Variants in B4GALT7 observed in about 807,000 individuals in gnomAD.
B4GALT7 encodes beta-1,4-galactosyltransferase 7, also known as UDP-Gal:beta-GlcNAc beta-1,4-galactosyltransferase 7.
A neutral mutation model predicts 33.0 loss-of-function variants in B4GALT7; 30 were observed. The observed-to-expected ratio is 0.91, with a 90% CI of 0.68 to 1.23. The LOEUF (loss-of-function observed/expected upper bound fraction) is 1.23. Among genes scored for constraint, B4GALT7 ranks in the 50% most tolerant of loss-of-function variants. B4GALT7 has a pLI of 0.00. For missense variants in B4GALT7, 507 were observed against 450.8 expected, an observed-to-expected ratio of 1.12 and a Z score of -1.13; for synonymous variants, 213 against 187.2, an observed-to-expected ratio of 1.14 and a Z score of -1.13.
chr5:177,603,488 T>A (rs1767895095), intron 1 of B4GALT7: 1 of 484,748 alleles, frequency 2.1e-6, no homozygotes, highest in Non-Finnish European at 2.7e-6. Context: ...CCAGCCCTCA[T>A]CTTTCTTTCC....
At chr5:177,604,639 G>A in intron 2 of B4GALT7, 98 bp downstream of exon 2, 1 of 1,511,838 alleles carries the variant, frequency 6.6e-7, no homozygotes, top group Non-Finnish European at 9.1e-7. Context: ...CAGGAGGGCG[G>A]GAGGTGGCAG....
At chr5:177,607,677 A>G in intron 3 of B4GALT7, 150 bp downstream of exon 3, 2 of 752,152 alleles carry the variant, frequency 2.7e-6, no homozygotes, top group South Asian at 3.6e-5. Context: ...GAGTGCGAAG[A>G]GCAGGCGAGC....
Position 177,600,325 on chromosome 5 carries a change from G to T in B4GALT7, c.50+65G>T. The T allele has an allele frequency of 8.2e-7, 1 of 1,223,354 alleles. No homozygotes were observed. The highest frequency in any genetic ancestry group is 1.0e-6 in the Non-Finnish European group (1 of 966,382). The allele number at this position is 1,223,354 out of a possible 1,614,324, so 75.8% of individuals were successfully genotyped here. The stretch of plus-strand genomic sequence containing the variant: ...CGCCGCTCCCTTCTCGGCCGCCGGC[G>T]GAATCTGGGAACCCGAGGCCATCAC... On this transcript the variant is annotated intron_variant, in intron 1 of 5. Transcript: ENST00000029410. The surrounding 1 kb of genome is among the most constrained non-coding windows in gnomAD (Gnocchi z 4.4).
rs1050522446 is a variant in B4GALT7 at position 177,606,145 on chromosome 5, G to C, written c.414-1157G>C. ...CTTTTTTAACTCCAGGTGTTCCTTG[G>C]GGCATCTCATGTCATCTCCAGCATT... On this transcript the variant is annotated intron_variant, in intron 2 of 5. Transcript: ENST00000029410. The surrounding 1 kb of genome is among the most constrained non-coding windows in gnomAD (Gnocchi z 4.2). 3 of 152,092 alleles carry C rather than the reference G, an allele frequency of 2.0e-5. No individual in the cohort carries two copies. Among genetic ancestry groups the C allele is most frequent in the African/African-American group, 7.2e-5 (3 of 41,388 alleles). 9.4% of individuals were successfully genotyped at this position (152,092 alleles called of 1,614,324 possible). A position where few individuals can be genotyped will look rare whatever the true frequency, so the allele number is the denominator to read the frequency against.
rs1554126907 is a variant in B4GALT7 at position 177,608,496 on chromosome 5, C to CCA, written c.640-42_640-41insAC. The CCA allele has an allele frequency of 1.6e-4, 256 of 1,562,678 alleles. No individual in the cohort carries two copies. The African/African-American group carries it at 3.1e-3, about 19-fold the overall frequency. On this transcript the variant is annotated intron_variant, in intron 3 of 5. Transcript: ENST00000029410. The surrounding 1 kb of genome is among the most constrained non-coding windows in gnomAD (Gnocchi z 4.1). ...CGGTAGGAGACCAAAGGCCCCCCCC[C>CCA]CCGGGAAGATGGGCCGAGTGACGCT... is the stretch of plus-strand genomic sequence containing the variant.
Position 177,600,401 on chromosome 5 carries a change from C to T in B4GALT7, c.50+141C>T, listed in dbSNP as rs781309356. The T allele has an allele frequency of 1.9e-5, 12 of 624,822 alleles. No homozygotes were observed. The highest frequency in any genetic ancestry group is 2.8e-5 in the Non-Finnish European group (12 of 435,854). The allele number at this position is 624,822 out of a possible 1,614,324, so 38.7% of individuals were successfully genotyped here. A position where few individuals can be genotyped will look rare whatever the true frequency, so the allele number is the denominator to read the frequency against. On this transcript the variant is annotated intron_variant, in intron 1 of 5. Coordinates refer to ENST00000029410, the MANE Select transcript of B4GALT7 (RefSeq NM_007255.3). This position sits in a 1 kb window ranked among gnomAD's most constrained non-coding sequence, Gnocchi z 4.4. ...AGGGCGTGTGGTTCTCCCTGTGGGT[C>T]CCTGGCGCTCTGTTCCGGTTTCTGT...
intron 2 of B4GALT7, chr5:177,604,924 G>A (rs1034496741): frequency 2.2e-6 from 1 of 463,474 alleles, no homozygotes; most frequent in South Asian, 1.6e-5. Context: ...TCAAGGCCAC[G>A]GCTTTAAAGT....
chr5:177,609,650 G>A lies in B4GALT7; in HGVS notation c.939G>A (p.Met313Ile), dbSNP rs778439107. The change falls in exon 6 of 6, where the codon ATG becomes ATA. Residue 313 changes from methionine to isoleucine, a missense_variant. Met to Ile is a conservative substitution (Grantham distance 10). Transcript: ENST00000029410. ...CCCCCTGCACTGTCCTCAACATCAT[G>A]TTGGACTGTGACAAGACCGCCACAC... ...GGAPCTVLNI[M>I]LDCDKTATPW... The A allele has an allele frequency of 4.3e-6, 7 of 1,613,698 alleles. No homozygotes were observed. Among genetic ancestry groups the A allele is most frequent in the Non-Finnish European group, 5.9e-6 (7 of 1,179,910 alleles).
Position 177,610,269 on chromosome 5 carries a change from T to C in B4GALT7, c.*574T>C, listed in dbSNP as rs2127515040. ...TTTCGAAAGAAACTAGAATGCTGGA[T>C]TCTTAAGTGATATCTTCTGATTTTT... On this transcript the variant is annotated 3_prime_UTR_variant, in exon 6 of 6. Coordinates refer to ENST00000029410, the MANE Select transcript of B4GALT7 (RefSeq NM_007255.3). The C allele has an allele frequency of 6.3e-6, 1 of 157,530 alleles. No individual in the cohort carries two copies. Among genetic ancestry groups the C allele is most frequent in the Admixed American group, 6.1e-5 (1 of 16,522 alleles). 9.8% of individuals were successfully genotyped at this position (157,530 alleles called of 1,614,324 possible).
intron 3 of B4GALT7, chr5:177,607,931 G>T: frequency 3.3e-6 from 1 of 301,574 alleles, no homozygotes; most frequent in Non-Finnish European, 6.4e-6. Flanking sequence ...GTGGGAGATG[G>T]GGCCCTTCCC....
chr5:177,601,263 G>A (rs906398539), intron 1 of B4GALT7, among the ~76,000 whole-genome samples: 1 of 152,190 alleles, frequency 6.6e-6, no homozygotes, highest in Non-Finnish European at 1.5e-5. Context: ...TGTGAGCAGA[G>A]ACCCCTGCAT....
chr5:177,609,446 C>G, intron 5 of B4GALT7, 94 bp from the exon 6 acceptor site: 1 of 1,498,364 alleles, frequency 6.7e-7, no homozygotes, highest in East Asian at 2.3e-5. Context: ...CAGTGGGGAC[C>G]ACAGGACCTC....
At position 177,606,870 on chromosome 5, in the gene B4GALT7, T is replaced by A; in HGVS notation, c.414-432T>A. ...CCCTAGGCACCCACTGCCCTGTGGG[T>A]CATCTCTTCAGGCCTTCAGGTTTCT... On this transcript the variant is annotated intron_variant, in intron 2 of 5. Coordinates refer to ENST00000029410, the MANE Select transcript of B4GALT7 (RefSeq NM_007255.3). This position sits in a 1 kb window ranked among gnomAD's most constrained non-coding sequence, Gnocchi z 4.2. 3.0e-6 allele frequency: 1 copy of A among 334,268 alleles called. No individual in the cohort carries two copies. Among genetic ancestry groups the A allele is most frequent in the Non-Finnish European group, 5.9e-6 (1 of 169,130 alleles). The allele number at this position is 334,268 out of a possible 1,614,324, so 20.7% of individuals were successfully genotyped here.
At position 177,609,821 on chromosome 5, in the gene B4GALT7, C is replaced by G. The variant is rs1768127394; in HGVS notation, c.*126C>G. On this transcript the variant is annotated 3_prime_UTR_variant, in exon 6 of 6. Coordinates refer to ENST00000029410, the MANE Select transcript of B4GALT7 (RefSeq NM_007255.3). ...GCCAGGACCAAGACAGCAAGCTACG[C>G]AATTGCAGCCACCCGGCCGCCAAGG... is the stretch of plus-strand genomic sequence containing the variant. 7.6e-7 allele frequency: 1 copy of G among 1,313,248 alleles called. No homozygotes were observed. The allele number at this position is 1,313,248 out of a possible 1,614,324, so 81.3% of individuals were successfully genotyped here.
rs1000585421 is a variant in B4GALT7 at position 177,606,260 on chromosome 5, C to T, written c.414-1042C>T. On this transcript the variant is annotated intron_variant, in intron 2 of 5. Transcript: ENST00000029410. This position sits in a 1 kb window ranked among gnomAD's most constrained non-coding sequence, Gnocchi z 4.2. Reference sequence around the variant, plus strand: ...CAGCCCAGCCATCTACACAGTCCCTCCACGTGGTGGCCTCAGAGCTACTGC... The same window carrying T: ...CAGCCCAGCCATCTACACAGTCCCTTCACGTGGTGGCCTCAGAGCTACTGC... 8.5e-5 allele frequency: 13 copies of T among 152,442 alleles called. No individual in the cohort carries two copies. The highest frequency in any genetic ancestry group is 2.9e-4 in the African/African-American group (12 of 41,448). 9.4% of individuals were successfully genotyped at this position (152,442 alleles called of 1,614,324 possible).
Position 177,608,497 on chromosome 5 carries a change from C to G in B4GALT7, c.640-42C>G, listed in dbSNP as rs372307412. ...GGTAGGAGACCAAAGGCCCCCCCCC[C>G]CGGGAAGATGGGCCGAGTGACGCTG... is the stretch of plus-strand genomic sequence containing the variant. On this transcript the variant is annotated intron_variant, in intron 3 of 5. Transcript: ENST00000029410. The surrounding 1 kb of genome is among the most constrained non-coding windows in gnomAD (Gnocchi z 4.1). 12 of 1,567,512 alleles carry G rather than the reference C, an allele frequency of 7.7e-6. No homozygotes were observed. The highest frequency in any genetic ancestry group is 8.8e-6 in the Non-Finnish European group (10 of 1,141,304).
At position 177,609,668 on chromosome 5, in the gene B4GALT7, C is replaced by G. The variant is rs138973879; in HGVS notation, c.957C>G (p.Thr319=). 23 of 1,613,044 alleles carry G rather than the reference C, an allele frequency of 1.4e-5. No homozygotes were observed. The highest frequency in any genetic ancestry group is 1.3e-4 in the African/African-American group (10 of 74,884). Residue 319 remains threonine, a synonymous_variant, in exon 6 of 6, where the codon ACC becomes ACG. Transcript: ENST00000029410. ...VLNIMLDCDK[T]ATPWCTFS is the part of the protein sequence containing the mutation. ...ACATCATGTTGGACTGTGACAAGACCGCCACACCCTGGTGCACATTCAGCT... is the reference window on the plus strand; with the variant it reads ...ACATCATGTTGGACTGTGACAAGACGGCCACACCCTGGTGCACATTCAGCT...
intron 5 of B4GALT7, among the ~76,000 whole-genome samples, chr5:177,609,323 C>T (rs1005900383): frequency 3.9e-5 from 6 of 152,170 alleles, no homozygotes; most frequent in Non-Finnish European, 8.8e-5. Flanking sequence ...TCAAACAGCC[C>T]CTTCTCTAGG....
intron 1 of B4GALT7, among the ~76,000 whole-genome samples, chr5:177,601,709 T>C (rs1767856280): frequency 6.6e-6 from 1 of 152,220 alleles, no homozygotes; most frequent in South Asian, 2.1e-4. Flanking sequence ...CAGTGATTGA[T>C]GAGGGAGACA....
Sources: gnomAD v4.1 joint callset for allele counts (sites outside exome capture counted in the v4.1 genomes callset) on GRCh38, gnomAD v4.1.1 for gene constraint, Gnocchi (gnomAD v3.1) non-coding constraint, MANE v1.5 for transcripts, NCBI Gene and HGNC (gene_info 2026-07-23, HGNC 2026-07-21) for gene names.